The following ARFIP1 variants were observed in gnomAD, a reference collection of about 807,000 sequenced individuals.
ARFIP1 encodes the protein ARF interacting protein 1.
In ARFIP1, 24 loss-of-function variants were observed where a neutral mutation model predicts 42.5. The ratio of observed to expected loss-of-function variants is 0.57; its 90% CI spans 0.41 to 0.80. ARFIP1 has a LOEUF of 0.80. Ranked by LOEUF, ARFIP1 falls within the 30% of genes least tolerant of loss-of-function variation. The probability of loss-of-function intolerance (pLI) is 0.00; values close to 1 mark genes in which losing one functional copy is unlikely to be tolerated. For synonymous variants in ARFIP1, 141 were observed against 153.7 expected, an observed-to-expected ratio of 0.92 and a Z score of 0.61; for missense variants, 354 against 434.0, an observed-to-expected ratio of 0.82 and a Z score of 1.64.
chr4:152,834,392 T>C (rs1731485024), intron 2 of ARFIP1, among the ~76,000 whole-genome samples: 1 of 152,160 alleles, frequency 6.6e-6, no homozygotes, highest in Non-Finnish European at 1.5e-5. Flanking sequence ...AACTCTCAAC[T>C]AGAGACGAAT....
At chr4:152,848,035 T>G (rs550699866) in intron 2 of ARFIP1, among the ~76,000 whole-genome samples, 1 of 152,266 alleles carries the variant, frequency 6.6e-6, no homozygotes, top group Admixed American at 6.5e-5. Flanking sequence ...CCCTGAGTCT[T>G]AAGAACCCCC....
At chr4:152,890,484 A>G (rs569811171) in intron 8 of ARFIP1, among the ~76,000 whole-genome samples, 3 of 152,328 alleles carry the variant, frequency 2.0e-5, no homozygotes, top group African/African-American at 7.2e-5. Context: ...GGGAAGAAAG[A>G]AAATAGAAGC....
At chr4:152,847,270 C>T (rs1421920900) in intron 2 of ARFIP1, among the ~76,000 whole-genome samples, 1 of 151,118 alleles carries the variant, frequency 6.6e-6, no homozygotes, top group Non-Finnish European at 1.5e-5. Context: ...GTAGCTGGGA[C>T]CACAGTCATG....
intron 2 of ARFIP1, among the ~76,000 whole-genome samples, chr4:152,836,804 C>T (rs1731684578): frequency 6.6e-6 from 1 of 151,678 alleles, no homozygotes; most frequent in East Asian, 1.9e-4. Flanking sequence ...TTTTATTTTT[C>T]CGCAAGTTAT....
intron 1 of ARFIP1, among the ~76,000 whole-genome samples, chr4:152,815,486 G>A (rs1283899175): frequency 6.6e-6 from 1 of 152,168 alleles, no homozygotes; most frequent in African/African-American, 2.4e-5. Flanking sequence ...CATAAATCCA[G>A]TAACCTACTT....
chr4:152,903,526 G>A (rs1397114696), intron 8 of ARFIP1, among the ~76,000 whole-genome samples: 1 of 148,600 alleles, frequency 6.7e-6, no homozygotes, highest in East Asian at 2.0e-4. Context: ...TTACAAAATT[G>A]TGAATCCTCA....
chr4:152,872,316 A>G, intron 4 of ARFIP1, 136 bp from the exon 5 acceptor site: 1 of 605,616 alleles, frequency 1.7e-6, no homozygotes, highest in Non-Finnish European at 2.8e-6. Flanking sequence ...AGGAAGTTCT[A>G]GTTCTTTACT....
At chr4:152,791,033 T>A (rs1021084527) in intron 1 of ARFIP1, among the ~76,000 whole-genome samples, 10 of 152,154 alleles carry the variant, frequency 6.6e-5, no homozygotes, top group African/African-American at 2.4e-4. Flanking sequence ...CCACCATGCC[T>A]GGCCCGATGT....
chr4:152,877,260 C>T (rs180951415), intron 5 of ARFIP1, among the ~76,000 whole-genome samples: 1 of 152,300 alleles, frequency 6.6e-6, no homozygotes, highest in East Asian at 1.9e-4. Context: ...TGAAAAGGCA[C>T]AGGGGTGGAG....
rs149809572 is a variant in ARFIP1, at chr4:152,877,898, T to A, written c.412-3065T>A. Among the ~76,000 whole-genome samples the A allele has an allele frequency of 2.6e-3, 402 of 152,320 alleles. 2 individuals are homozygous for A. The highest frequency in any genetic ancestry group is 9.3e-3 in the African/African-American group (386 of 41,564). ...AAGTGCCTTTTGCCTCCCGCTATGA[T>A]TCTGAGGCCTCCCAGCCATGTGGAA... On this transcript the variant is annotated intron_variant, in intron 5 of 8. Transcript: ENST00000353617.
chr4:152,843,217 T>C (rs1732242379), intron 2 of ARFIP1, among the ~76,000 whole-genome samples: 1 of 152,176 alleles, frequency 6.6e-6, no homozygotes, highest in African/African-American at 2.4e-5. Flanking sequence ...AGAGAGTGTA[T>C]CTGGCTCCAG....
At chr4:152,832,383 A>G (rs1010398250) in intron 2 of ARFIP1, among the ~76,000 whole-genome samples, 1 of 152,148 alleles carries the variant, frequency 6.6e-6, no homozygotes, top group Non-Finnish European at 1.5e-5. Context: ...ATTGTCTTTT[A>G]TAAAGTACTT....
chr4:152,863,552 A>C (rs1734054761), intron 2 of ARFIP1, 54 bp from the exon 3 acceptor site: 1 of 985,994 alleles, frequency 1.0e-6, no homozygotes, highest in Middle Eastern at 2.1e-4. Flanking sequence ...CTGAACTGTT[A>C]CGTCATGTGG....
intron 1 of ARFIP1, among the ~76,000 whole-genome samples, chr4:152,816,904 C>T (rs1247486088): frequency 2.6e-5 from 4 of 152,178 alleles, no homozygotes; most frequent in Non-Finnish European, 4.4e-5. Flanking sequence ...AATCTGTTAT[C>T]GTACAAGATT....
chr4:152,804,211 ATT>A (rs1728726919), intron 1 of ARFIP1, among the ~76,000 whole-genome samples: 1 of 118,538 alleles, frequency 8.4e-6, no homozygotes, highest in Non-Finnish European at 1.6e-5. Flanking sequence ...TGTATTATAT[ATT>A]ATATATAATA....
At position 152,862,977 on chromosome 4, in the gene ARFIP1, A is replaced by T. The variant is rs150196953; in HGVS notation, c.94-629A>T. The stretch of plus-strand genomic sequence containing the variant: ...ACTAGGATTGTGCCTTTTAAAGAAC[A>T]TTGTGCTTCTTGACTTTTTATACTT... On this transcript the variant is annotated intron_variant, in intron 2 of 8. Transcript: ENST00000353617. Among the ~76,000 whole-genome samples, 53 of 152,302 alleles carry T rather than the reference A, an allele frequency of 3.5e-4. 1 individual carries two copies. The highest frequency in any genetic ancestry group is 1.0e-3 in the African/African-American group (43 of 41,582).
intron 2 of ARFIP1, among the ~76,000 whole-genome samples, chr4:152,852,050 T>A (rs1733029412): frequency 6.6e-6 from 1 of 152,336 alleles, no homozygotes; most frequent in East Asian, 1.9e-4. Flanking sequence ...AAAAATATTT[T>A]TAAAAACTAT....
intron 2 of ARFIP1, among the ~76,000 whole-genome samples, chr4:152,839,179 T>C (rs780533330): frequency 2.6e-5 from 4 of 152,190 alleles, no homozygotes; most frequent in African/African-American, 9.6e-5. Context: ...TGAATTTGAT[T>C]AGCTAATATT....
intron 8 of ARFIP1, among the ~76,000 whole-genome samples, chr4:152,894,651 G>A (rs1342222867): frequency 6.6e-6 from 1 of 152,186 alleles, no homozygotes; most frequent in Non-Finnish European, 1.5e-5. Context: ...ATTGATGTCT[G>A]TAAGCATAAC....
Sources: allele counts gnomAD v4.1 joint callset (sites outside exome capture counted in the v4.1 genomes callset), GRCh38; gene constraint gnomAD v4.1.1; transcripts MANE v1.5; gene names NCBI Gene and HGNC (gene_info 2026-07-23, HGNC 2026-07-21).